TENM2: variants seen among roughly 807,000 people sequenced by gnomAD.
The protein encoded by TENM2 is teneurin-2.
A neutral mutation model predicts 245.2 loss-of-function variants in TENM2; 52 were observed. The observed-to-expected ratio is 0.21, with a 90% confidence interval of 0.17 to 0.27. The LOEUF is 0.27. TENM2 is among the 10% of genes least tolerant of loss of function. The pLI is 1.00. For synonymous variants in TENM2, 1,363 were observed against 1,438.9 expected (o/e 0.95, Z 1.19); for missense variants, 3,046 against 3,666.8 (o/e 0.83, Z 4.37).
chr5:167,454,108 A>G (rs1168826057), intron 2 of TENM2, among the ~76,000 whole-genome samples: 1 of 152,168 alleles, frequency 6.6e-6, no homozygotes. Context: ...ATGGGGTCAC[A>G]GGAGATCACC....
the TENM2 span, among the ~76,000 whole-genome samples, chr5:167,211,936 A>G: frequency 6.6e-6 from 1 of 152,148 alleles, no homozygotes; most frequent in Non-Finnish European, 1.5e-5. Context: ...GAATTATATT[A>G]TTTGTCTCAT....
At chr5:167,478,053 A>G (rs1767509704) in intron 2 of TENM2, among the ~76,000 whole-genome samples, 3 of 152,318 alleles carry the variant, frequency 2.0e-5, no homozygotes, top group Admixed American at 1.3e-4. Flanking sequence ...ATGCTGTTGC[A>G]TTAAATATAT....
chr5:167,534,801 C>T (rs1771743446), intron 2 of TENM2, among the ~76,000 whole-genome samples: 1 of 152,170 alleles, frequency 6.6e-6, no homozygotes, highest in Admixed American at 6.5e-5. Context: ...TATCGTCTGT[C>T]AACGTGGATT....
the TENM2 span, among the ~76,000 whole-genome samples, chr5:167,148,432 A>G: frequency 6.6e-6 from 1 of 152,224 alleles, no homozygotes; most frequent in Admixed American, 6.5e-5. Context: ...TTCTGTGTCC[A>G]TTAACAATCC....
At chr5:167,586,691 AC>A (rs1171619086) in intron 2 of TENM2, among the ~76,000 whole-genome samples, 11 of 152,262 alleles carry the variant, frequency 7.2e-5, no homozygotes, top group Middle Eastern at 3.4e-3. Flanking sequence ...AATGGAACGT[AC>A]TTGCCAATGA....
intron 2 of TENM2, among the ~76,000 whole-genome samples, chr5:167,871,823 C>A (rs962994488): frequency 5.3e-5 from 8 of 152,118 alleles, no homozygotes; most frequent in African/African-American, 1.7e-4. Flanking sequence ...CCATGCCACA[C>A]TGAGCATTTC....
At chr5:167,883,234 T>C (rs1280230879) in intron 3 of TENM2, among the ~76,000 whole-genome samples, 1 of 152,018 alleles carries the variant, frequency 6.6e-6, no homozygotes, top group Non-Finnish European at 1.5e-5. Context: ...CTAAACAAGG[T>C]CTCCCACCTC....
At chr5:167,026,304 T>C in the TENM2 span, among the ~76,000 whole-genome samples, 1 of 152,180 alleles carries the variant, frequency 6.6e-6, no homozygotes, top group African/African-American at 2.4e-5. Flanking sequence ...GCAGCTTCTT[T>C]TGAAAATAAT....
intron 1 of TENM2, among the ~76,000 whole-genome samples, chr5:167,315,369 T>G (rs1157289128): frequency 6.6e-6 from 1 of 152,160 alleles, no homozygotes; most frequent in Non-Finnish European, 1.5e-5. Context: ...TCACAGATAA[T>G]TAGATAACAT....
chr5:167,364,013 T>C (rs1170513038), intron 1 of TENM2, among the ~76,000 whole-genome samples: 1 of 150,926 alleles, frequency 6.6e-6, no homozygotes, highest in Admixed American at 6.6e-5. Context: ...ATAATAAGAG[T>C]AATCATAAGA....
intron 4 of TENM2, among the ~76,000 whole-genome samples, chr5:167,971,636 G>T (rs1781795853): frequency 6.6e-6 from 1 of 152,152 alleles, no homozygotes; most frequent in South Asian, 2.1e-4. Flanking sequence ...GGGAGGCGAA[G>T]GTTGCAGTGA....
the TENM2 span, among the ~76,000 whole-genome samples, chr5:167,026,898 G>A: frequency 6.6e-6 from 1 of 152,158 alleles, no homozygotes; most frequent in African/African-American, 2.4e-5. Flanking sequence ...TGAGCTACTT[G>A]AAGCAGAACC....
intron 2 of TENM2, among the ~76,000 whole-genome samples, chr5:167,396,835 T>C (rs1461455755): frequency 1.3e-5 from 2 of 152,080 alleles, no homozygotes; most frequent in African/African-American, 4.8e-5. Context: ...AGGCAGACAG[T>C]GAAGGTAAGG....
At chr5:167,729,806 C>G (rs1016042430) in intron 2 of TENM2, among the ~76,000 whole-genome samples, 1 of 152,166 alleles carries the variant, frequency 6.6e-6, no homozygotes, top group Non-Finnish European at 1.5e-5. Flanking sequence ...CAGGATAGTT[C>G]TCCTCTGTGA....
chr5:168,035,259 G>A (rs1258965411), intron 5 of TENM2, among the ~76,000 whole-genome samples: 2 of 152,186 alleles, frequency 1.3e-5, no homozygotes, highest in Non-Finnish European at 1.5e-5. Flanking sequence ...TGTAATCCCA[G>A]TACTGTGGGA....
chr5:167,525,467 C>G (rs560285123), intron 2 of TENM2, among the ~76,000 whole-genome samples: 1 of 152,174 alleles, frequency 6.6e-6, no homozygotes, highest in South Asian at 2.1e-4. Context: ...TGGCTCAGCT[C>G]TACTGAGATT....
chr5:167,952,270 T>G, intron 3 of TENM2: 1 of 455,440 alleles, frequency 2.2e-6, no homozygotes, highest in East Asian at 4.0e-5. Context: ...CGATCAGCCT[T>G]GAATGTCATG....
At chr5:168,102,294 A>C (rs1793884741) in intron 9 of TENM2, among the ~76,000 whole-genome samples, 1 of 152,092 alleles carries the variant, frequency 6.6e-6, no homozygotes, top group Admixed American at 6.5e-5. Context: ...GCTGGTCTTG[A>C]ACTCCCGACC....
In TENM2 at chr5:167,557,615, C is replaced by T. The variant is rs183135550; in HGVS notation, c.502+182142C>T. 2.6e-5 allele frequency among the ~76,000 whole-genome samples: 4 copies of T among 152,230 alleles called. No homozygotes were observed. The East Asian group carries it at 7.7e-4, about 29-fold the overall frequency. On this transcript the variant is annotated intron_variant, in intron 2 of 28. Transcript: ENST00000518659. ...ATACTACTGAGGTTATAATATGAGC[C>T]CGATCCTAGCCTGAGACTGTACGTG...
Sources: allele counts gnomAD v4.1 joint callset (sites outside exome capture counted in the v4.1 genomes callset), GRCh38; gene constraint gnomAD v4.1.1; transcripts MANE v1.5; gene names NCBI Gene and HGNC (gene_info 2026-07-23, HGNC 2026-07-21).